GIT2: variants seen among roughly 807,000 people sequenced by gnomAD.
The protein encoded by GIT2 is GIT ArfGAP 2.
A neutral mutation model predicts 100.3 loss-of-function variants in GIT2; 32 were observed. The ratio of observed to expected loss-of-function variants is 0.32; its 90% CI spans 0.24 to 0.43. The LOEUF (loss-of-function observed/expected upper bound fraction) is 0.43. Ranked by LOEUF, GIT2 falls within the 20% of genes least tolerant of loss-of-function variation. The probability of loss-of-function intolerance (pLI) is 1.00; values close to 1 mark genes in which losing one functional copy is unlikely to be tolerated. For synonymous variants in GIT2, 353 were observed against 364.1 expected, an observed-to-expected ratio of 0.97 and a Z score of 0.35; for missense variants, 737 against 975.1, an observed-to-expected ratio of 0.76 and a Z score of 3.25.
chr12:109,947,259 C>A lies in GIT2; in HGVS notation c.1638G>T (p.Ala546=). Residue 546 remains alanine (A), a synonymous_variant, in exon 15 of 20, where the codon GCG becomes GCT. Coordinates refer to ENST00000355312, the MANE Select transcript of GIT2 (RefSeq NM_057169.5). This position sits in a 1 kb window ranked among gnomAD's most constrained non-coding sequence, Gnocchi z 4.3. ...ESRMRLQPFP[A]HIGRSALVTS... is the part of the protein sequence containing the mutation. The stretch of plus-strand genomic sequence containing the variant: ...AAGCGCCAGTGGTGTTACTTACGTG[C>A]GCGGGGAAGGGCTGGAGTCTCATCC... 6.2e-7 allele frequency: 1 copy of A among 1,612,238 alleles called. No homozygotes were observed. Among genetic ancestry groups the A allele is most frequent in the Non-Finnish European group, 8.5e-7 (1 of 1,178,744 alleles).
At chr12:109,976,283 ATTTT>A (rs1187840816) in intron 7 of GIT2, among the ~76,000 whole-genome samples, 1 of 134,926 alleles carries the variant, frequency 7.4e-6, no homozygotes, top group African/African-American at 2.9e-5. Flanking sequence ...CTACTAGATA[ATTTT>A]TTTTTTTTTT....
At chr12:109,939,714 T>TAAATA (rs1291781969) in intron 16 of GIT2, 1 of 148,750 alleles carries the variant, frequency 6.7e-6, no homozygotes, top group Non-Finnish European at 1.5e-5. Flanking sequence ...AATAAATAAA[T>TAAATA]AAATAAATAA....
intron 18 of GIT2, among the ~76,000 whole-genome samples, chr12:109,936,865 T>C (rs897189400): frequency 1.5e-5 from 2 of 137,068 alleles, no homozygotes; most frequent in African/African-American, 6.5e-5. Flanking sequence ...CAAGACTCTG[T>C]CTCAAAAAAA....
intron 12 of GIT2, among the ~76,000 whole-genome samples, chr12:109,958,160 G>A (rs1268916705): frequency 1.3e-5 from 2 of 151,924 alleles, no homozygotes; most frequent in African/African-American, 4.8e-5. Context: ...TAGCCAAGAT[G>A]GTCTCAATCT....
Position 109,963,503 on chromosome 12 carries a change from C to T in GIT2, c.817-1818G>A, listed in dbSNP as rs73419563. Among the ~76,000 whole-genome samples, 410 of 152,278 alleles carry T rather than the reference C, an allele frequency of 2.7e-3. 2 individuals carry two copies. The highest frequency in any genetic ancestry group is 9.5e-3 in the African/African-American group (393 of 41,548). On this transcript the variant is annotated intron_variant, in intron 9 of 19. Coordinates refer to ENST00000355312, the MANE Select transcript of GIT2 (RefSeq NM_057169.5). Reference sequence around the variant, plus strand: ...TATGAAAACAGGAACTACTATTGTCCCATTTTTAAGACAAGAAAACTGAGG... The same window carrying T: ...TATGAAAACAGGAACTACTATTGTCTCATTTTTAAGACAAGAAAACTGAGG...
intron 7 of GIT2, among the ~76,000 whole-genome samples, chr12:109,976,458 G>T (rs967397907): frequency 6.6e-6 from 1 of 150,624 alleles, no homozygotes; most frequent in Non-Finnish European, 1.5e-5. Flanking sequence ...CTAATTTTTT[G>T]TATTTGTAGT....
At chr12:109,951,643 C>A (rs1208818988) in intron 13 of GIT2, among the ~76,000 whole-genome samples, 2 of 152,154 alleles carry the variant, frequency 1.3e-5, no homozygotes, top group African/African-American at 2.4e-5. Flanking sequence ...TTCATTAATT[C>A]ATTCATTCCA....
intron 7 of GIT2, among the ~76,000 whole-genome samples, chr12:109,978,395 G>GT (rs1388446369): frequency 2.6e-5 from 4 of 151,802 alleles, no homozygotes; most frequent in East Asian, 1.9e-4. Context: ...AATTTAGAGG[G>GT]TTTTTTTGGC....
chr12:109,967,622 G>A (rs1203641855), intron 7 of GIT2, 119 bp from the exon 8 acceptor site: 2 of 739,782 alleles, frequency 2.7e-6, no homozygotes, highest in Non-Finnish European at 4.8e-6. Context: ...ATAATGACGA[G>A]TCATGTTGCT....
Position 109,947,291 on chromosome 12 carries a change from C to T in GIT2, c.1606G>A (p.Glu536Lys), listed in dbSNP as rs1049248637. 6 of 1,614,176 alleles carry T rather than the reference C, an allele frequency of 3.7e-6. No individual in the cohort carries two copies. Among genetic ancestry groups the T allele is most frequent in the Non-Finnish European group, 5.1e-6 (6 of 1,180,018 alleles). ...LPMGEASRPE[E>K]SRMRLQPFPA... ...AAGGGCTGGAGTCTCATCCTGCTCT[C>T]TTCGGGGCGGCTCGCTTCTCCCATT... The change falls in exon 15 of 20, where the codon GAG becomes AAG. Residue 536 changes from glutamate to lysine, a missense_variant. Transcript: ENST00000355312. This position sits in a 1 kb window ranked among gnomAD's most constrained non-coding sequence, Gnocchi z 4.3.
Position 109,933,684 on chromosome 12 carries a change from C to G in GIT2, c.2067+338G>C. 3.9e-6 allele frequency: 1 copy of G among 258,014 alleles called. No individual in the cohort carries two copies. Among genetic ancestry groups the G allele is most frequent in the Non-Finnish European group, 7.6e-6 (1 of 132,390 alleles). The allele number at this position is 258,014 out of a possible 1,614,324, so 16.0% of individuals were successfully genotyped here. On this transcript the variant is annotated intron_variant, in intron 19 of 19. Coordinates refer to ENST00000355312, the MANE Select transcript of GIT2 (RefSeq NM_057169.5). This position sits in a 1 kb window ranked among gnomAD's most constrained non-coding sequence, Gnocchi z 4.5. ...TGGCACGATCTTGACTCACTGCAAC[C>G]TCCGCCTCCTGGGTTCAAGCGATTC...
rs1382912257 is a variant in GIT2 at position 109,932,015 on chromosome 12, GC to G, written c.*962del. On this transcript the variant is annotated 3_prime_UTR_variant, in exon 20 of 20. Coordinates refer to ENST00000355312, the MANE Select transcript of GIT2 (RefSeq NM_057169.5). ...AATGTGAAGCAACTCATGTGAGAAA[GC>G]TGTAAGTGGTCAGAGAAGCAAGCTG... 6.6e-6 allele frequency: 1 copy of G among 152,250 alleles called. No homozygotes were observed. Among genetic ancestry groups the G allele is most frequent in the Non-Finnish European group, 1.5e-5 (1 of 68,056 alleles). 9.4% of individuals were successfully genotyped at this position (152,250 alleles called of 1,614,324 possible). A position where few individuals can be genotyped will look rare whatever the true frequency, so the allele number is the denominator to read the frequency against.
chr12:109,990,638 A>G (rs1888194621), intron 2 of GIT2, among the ~76,000 whole-genome samples: 1 of 152,206 alleles, frequency 6.6e-6, no homozygotes, highest in Admixed American at 6.5e-5. Flanking sequence ...TCACAGATTC[A>G]GTGAAATGTG....
chr12:109,984,030 C>G (rs1453699956), intron 4 of GIT2, among the ~76,000 whole-genome samples: 4 of 152,096 alleles, frequency 2.6e-5, no homozygotes, highest in African/African-American at 9.7e-5. Context: ...TACGACAGAC[C>G]TGAATTTCAA....
Position 109,948,883 on chromosome 12 carries a change from C to T in GIT2, c.1393-1379G>A, listed in dbSNP as rs776468658. ...GAAAGATCAGATACAAATCATGCTA[C>T]TTTGTCAACTTTATGTATATTAAAA... is the stretch of plus-strand genomic sequence containing the variant. On this transcript the variant is annotated intron_variant, in intron 14 of 19. Transcript: ENST00000355312. This position sits in a 1 kb window ranked among gnomAD's most constrained non-coding sequence, Gnocchi z 4.3. 1.2e-5 allele frequency: 17 copies of T among 1,417,524 alleles called. No homozygotes were observed. The highest frequency in any genetic ancestry group is 1.5e-5 in the Non-Finnish European group (15 of 1,014,230). 87.8% of individuals were successfully genotyped at this position (1,417,524 alleles called of 1,614,324 possible).
At chr12:109,957,824 G>A (rs909310753) in intron 12 of GIT2, among the ~76,000 whole-genome samples, 7 of 152,038 alleles carry the variant, frequency 4.6e-5, no homozygotes, top group Admixed American at 1.3e-4. Flanking sequence ...TTACTTAGTT[G>A]CTTCTAATGT....
In GIT2 at chr12:109,983,589, G is replaced by C; in HGVS notation, c.492+19C>G. 6.3e-7 allele frequency: 1 copy of C among 1,595,328 alleles called. No homozygotes were observed. The highest frequency in any genetic ancestry group is 8.6e-7 in the Non-Finnish European group (1 of 1,163,104). ...AACTCACTTAGTTTCAATATCTGAA[G>C]CAATTCATGTTTTCTTACAGGATGA... On this transcript the variant is annotated intron_variant, in intron 5 of 19. Transcript: ENST00000355312.
At chr12:109,939,100 C>G in intron 17 of GIT2, 65 bp downstream of exon 17, 1 of 912,796 alleles carries the variant, frequency 1.1e-6, no homozygotes, top group South Asian at 1.3e-5. Flanking sequence ...TTCTGCTGGC[C>G]CAGGCCTGCC....
chr12:109,998,995 T>C (rs1383557057), upstream of GIT2: 1 of 152,280 alleles, frequency 6.6e-6, no homozygotes, highest in Non-Finnish European at 1.5e-5. Flanking sequence ...CGCCAGGGTT[T>C]AGCGTTCCTC....
Sources: allele counts gnomAD v4.1 joint callset (sites outside exome capture counted in the v4.1 genomes callset), GRCh38; gene constraint gnomAD v4.1.1; non-coding constraint Gnocchi (gnomAD v3.1); transcripts MANE v1.5; gene names NCBI Gene and HGNC (gene_info 2026-07-23, HGNC 2026-07-21).